GLRX3: variants seen among roughly 807,000 people sequenced by gnomAD.
GLRX3 encodes the protein glutaredoxin-3.
Under a neutral mutation model 49.5 loss-of-function variants are expected in GLRX3, and 22 were observed. The observed-to-expected ratio is 0.44, with a 90% CI of 0.32 to 0.63. GLRX3 has a LOEUF of 0.63. Among genes scored for constraint, GLRX3 ranks in the 30% least tolerant of loss-of-function variants. The probability of loss-of-function intolerance (pLI) is 0.05; values close to 1 mark genes in which losing one functional copy is unlikely to be tolerated. For synonymous variants in GLRX3, 133 were observed against 140.0 expected (o/e 0.95, Z 0.35); for missense variants, 385 against 396.3 (o/e 0.97, Z 0.24).
In GLRX3 at chr10:130,142,403, CCTT is replaced by C. The variant is rs1416095338; in HGVS notation, c.93-2797_93-2795del. Among the ~76,000 whole-genome samples, 8 of 152,120 alleles carry C rather than the reference CCTT, an allele frequency of 5.3e-5. No homozygotes were observed. In the East Asian group the frequency reaches 9.6e-4, roughly 18 times the overall value. ...TTGGCTCCTGACTCAGAGGAGACTG[CCTT>C]CTTCTTCTTCAAGGTAAGCTCTTCT... is the stretch of plus-strand genomic sequence containing the variant. On this transcript the variant is annotated intron_variant, in intron 1 of 10. Transcript: ENST00000331244.
intron 2 of GLRX3, among the ~76,000 whole-genome samples, chr10:130,155,958 A>G (rs1396521865): frequency 1.3e-5 from 2 of 152,112 alleles, no homozygotes; most frequent in East Asian, 1.9e-4. Flanking sequence ...ACTGAAGGAT[A>G]CTGAAGGGTC....
At chr10:130,157,397 AAG>A (rs1231280735) in intron 2 of GLRX3, among the ~76,000 whole-genome samples, 2 of 148,352 alleles carry the variant, frequency 1.3e-5, no homozygotes, top group Non-Finnish European at 3.0e-5. Context: ...GAGAGAGAGA[AAG>A]AGGGAGAAAG....
At chr10:130,178,051 C>T (rs930961548) in intron 10 of GLRX3, among the ~76,000 whole-genome samples, 1 of 152,040 alleles carries the variant, frequency 6.6e-6, no homozygotes, top group Non-Finnish European at 1.5e-5. Flanking sequence ...CTTTTGATGC[C>T]ATGTCTGTTT....
intron 1 of GLRX3, 89 bp downstream of exon 1, chr10:130,136,601 C>T: frequency 4.9e-6 from 6 of 1,229,024 alleles, no homozygotes; most frequent in Non-Finnish European, 6.1e-6. Flanking sequence ...GTGGCCCAGC[C>T]TGGCTTCTTG....
At position 130,156,750 on chromosome 10, in the gene GLRX3, G is replaced by T. The variant is rs868505237; in HGVS notation, c.202-3245G>T. On this transcript the variant is annotated intron_variant, in intron 2 of 10. Coordinates refer to ENST00000331244, the MANE Select transcript of GLRX3 (RefSeq NM_006541.5). ...TGGATTTACCTGATGCCTCCCTTGC[G>T]CTTTCTTTCCTTCTCCATAGACACA... 2.0e-5 allele frequency among the ~76,000 whole-genome samples: 3 copies of T among 152,288 alleles called. No individual in the cohort carries two copies. In the South Asian group the frequency reaches 6.2e-4, roughly 32 times the overall value.
intron 1 of GLRX3, among the ~76,000 whole-genome samples, chr10:130,144,461 C>T (rs1862233792): frequency 6.6e-6 from 1 of 151,998 alleles, no homozygotes; most frequent in Non-Finnish European, 1.5e-5. Context: ...CTCCCCTTGC[C>T]CCCCACCCCC....
At chr10:130,147,622 AT>A (rs1862293894) in intron 2 of GLRX3, among the ~76,000 whole-genome samples, 1 of 152,220 alleles carries the variant, frequency 6.6e-6, no homozygotes, top group South Asian at 2.1e-4. Context: ...TTTTTCTTTG[AT>A]TAGCCATCAT....
At chr10:130,162,420 C>T (rs186759575) in intron 4 of GLRX3, among the ~76,000 whole-genome samples, 3 of 152,132 alleles carry the variant, frequency 2.0e-5, no homozygotes, top group African/African-American at 4.8e-5. Context: ...GTCTCTGTTG[C>T]GTTTGTTATT....
At chr10:130,153,256 T>C (rs1236466142) in intron 2 of GLRX3, among the ~76,000 whole-genome samples, 1 of 152,228 alleles carries the variant, frequency 6.6e-6, no homozygotes, top group Non-Finnish European at 1.5e-5. Flanking sequence ...CTCCTTTAGC[T>C]AGGAGAAGTT....
chr10:130,153,611 G>C (rs1348701284), intron 2 of GLRX3, among the ~76,000 whole-genome samples: 2 of 152,148 alleles, frequency 1.3e-5, no homozygotes, highest in African/African-American at 4.8e-5. Context: ...TGTTTGTCTG[G>C]GTATCACCAG....
At chr10:130,137,230 A>G (rs1383400133) in intron 1 of GLRX3, among the ~76,000 whole-genome samples, 1 of 152,184 alleles carries the variant, frequency 6.6e-6, no homozygotes, top group Non-Finnish European at 1.5e-5. Context: ...CAGGTCTTCA[A>G]TCCCTGGGAA....
At chr10:130,162,053 C>T (rs763809685) in intron 4 of GLRX3, among the ~76,000 whole-genome samples, 3 of 152,204 alleles carry the variant, frequency 2.0e-5, no homozygotes, top group Admixed American at 6.5e-5. Context: ...CTCAGTGCGA[C>T]GGAACCTCTG....
chr10:130,157,434 C>T (rs1480984084), intron 2 of GLRX3, among the ~76,000 whole-genome samples: 2 of 129,700 alleles, frequency 1.5e-5, no homozygotes, highest in African/African-American at 5.8e-5. Flanking sequence ...TTTGCTTTTC[C>T]TCTGCATTTT....
At chr10:130,175,826 TAC>T (rs1862906329) in intron 10 of GLRX3, among the ~76,000 whole-genome samples, 1 of 152,274 alleles carries the variant, frequency 6.6e-6, no homozygotes, top group African/African-American at 2.4e-5. Flanking sequence ...CTTTAATATC[TAC>T]ACACAGACCC....
At chr10:130,169,833 TC>T (rs1862770431) in intron 7 of GLRX3, among the ~76,000 whole-genome samples, 1 of 152,242 alleles carries the variant, frequency 6.6e-6, no homozygotes, top group Non-Finnish European at 1.5e-5. Context: ...TCAGTGGACT[TC>T]CTGAATGCAG....
intron 2 of GLRX3, among the ~76,000 whole-genome samples, chr10:130,159,079 G>GTA: frequency 6.6e-6 from 1 of 152,080 alleles, no homozygotes; most frequent in South Asian, 2.1e-4. Flanking sequence ...AAAATACAGT[G>GTA]TATATATTTT....
intron 10 of GLRX3, among the ~76,000 whole-genome samples, chr10:130,175,525 A>C (rs1042279279): frequency 2.0e-5 from 3 of 152,212 alleles, no homozygotes; most frequent in Non-Finnish European, 4.4e-5. Flanking sequence ...CGAAAGAAAA[A>C]ATGTAGGTCC....
rs1228820820 is a variant in GLRX3 at position 130,169,509 on chromosome 10, G to T, written c.771+19G>T. Reference sequence around the variant, plus strand: ...CAAACAGGTAAAGAACTCAAAAATGGTTTTATTTGTAATTTCTTTTGATGT... The same window carrying T: ...CAAACAGGTAAAGAACTCAAAAATGTTTTTATTTGTAATTTCTTTTGATGT... On this transcript the variant is annotated intron_variant, in intron 7 of 10. Coordinates refer to ENST00000331244, the MANE Select transcript of GLRX3 (RefSeq NM_006541.5). 26 of 1,519,598 alleles carry T rather than the reference G, an allele frequency of 1.7e-5. No homozygotes were observed. The highest frequency in any genetic ancestry group is 2.4e-5 in the Non-Finnish European group (26 of 1,093,996). 94.1% of individuals were successfully genotyped at this position (1,519,598 alleles called of 1,614,324 possible). A position where few individuals can be genotyped will look rare whatever the true frequency, so the allele number is the denominator to read the frequency against.
chr10:130,139,983 T>C (rs1862143553), intron 1 of GLRX3, among the ~76,000 whole-genome samples: 1 of 152,230 alleles, frequency 6.6e-6, no homozygotes. Flanking sequence ...TAATTTTAAA[T>C]CTACTTTCCA....
Sources: gnomAD v4.1 joint callset for allele counts (sites outside exome capture counted in the v4.1 genomes callset) on GRCh38, gnomAD v4.1.1 for gene constraint, MANE v1.5 for transcripts, NCBI Gene and HGNC (gene_info 2026-07-23, HGNC 2026-07-21) for gene names.